COPG2: variants seen among roughly 807,000 people sequenced by gnomAD.
The protein encoded by COPG2 is coat protein complex I subunit gamma 2, also known as coatomer subunit gamma-2.
COPG2 carries 37 observed loss-of-function variants against 46.3 expected under a neutral mutation model. The ratio of observed to expected loss-of-function variants is 0.80; its 90% CI spans 0.61 to 1.05. The LOEUF (loss-of-function observed/expected upper bound fraction) is 1.05, where lower values mean the gene tolerates loss of function less well. Ranked by LOEUF, COPG2 falls within the 50% of genes least tolerant of loss-of-function variation. The probability of loss-of-function intolerance (pLI) is 0.00; values close to 1 mark genes in which losing one functional copy is unlikely to be tolerated. For synonymous variants in COPG2, 159 were observed against 129.7 expected, an observed-to-expected ratio of 1.23 and a Z score of -1.53; for missense variants, 427 against 387.8, an observed-to-expected ratio of 1.10 and a Z score of -0.85.
At chr7:130,609,435 C>T (rs1471591987) in intron 9 of COPG2, among the ~76,000 whole-genome samples, 2 of 152,196 alleles carry the variant, frequency 1.3e-5, no homozygotes, top group Non-Finnish European at 2.9e-5. Flanking sequence ...TGACTTGTTC[C>T]TCCTTGCCTT....
chr7:130,509,985 G>A, intron 20 of COPG2: 1 of 478,838 alleles, frequency 2.1e-6, no homozygotes, highest in African/African-American at 2.0e-5. Flanking sequence ...CCGGGCAGCT[G>A]GAAACAGTAA....
rs1183919423 is a variant in COPG2 at position 130,652,903 on chromosome 7, T to C, written c.289A>G (p.Thr97Ala). Residue 97 changes from threonine to alanine, a missense_variant, in exon 5 of 24, where the codon ACC (threonine) becomes GCC (alanine). Thr to Ala is a moderately conservative substitution (Grantham distance 58). Transcript: ENST00000425248. ...MCYLTIKEMA[T>A]ISEDVIIVTS... ...ACAATTATCACATCCTCAGAGATGG[T>C]AGCCATTTCTTTGATGGTAAGGTAG... 8.1e-6 allele frequency: 13 copies of C among 1,607,654 alleles called. No individual in the cohort carries two copies. The Admixed American group carries it at 1.0e-4, about 12-fold the overall frequency.
In COPG2 at chr7:130,533,002, G is replaced by T. The variant is rs1375040000; in HGVS notation, c.2149+14672C>A. Among the ~76,000 whole-genome samples the T allele has an allele frequency of 4.6e-5, 7 of 152,206 alleles. No homozygotes were observed. In the South Asian group the frequency reaches 1.2e-3, roughly 27 times the overall value. ...GAAAGCAGGAGAAATGACCAACCTA[G>T]GCCCAGGAGCTGGGAGCTTGGAGAG... is the stretch of plus-strand genomic sequence containing the variant. On this transcript the variant is annotated intron_variant, in intron 20 of 23. Transcript: ENST00000425248.
At chr7:130,648,618 A>G (rs1228947688) in intron 5 of COPG2, among the ~76,000 whole-genome samples, 4 of 152,222 alleles carry the variant, frequency 2.6e-5, no homozygotes, top group Non-Finnish European at 5.9e-5. Context: ...CGTAGGATAT[A>G]GTTACAGATA....
chr7:130,548,685 G>A, intron 18 of COPG2, 143 bp from the exon 19 acceptor site: 2 of 378,578 alleles, frequency 5.3e-6, no homozygotes, highest in East Asian at 3.8e-5. Flanking sequence ...GGCGGATCAC[G>A]AGGTCAGGAG....
At chr7:130,652,330 T>A (rs1795764168) in intron 5 of COPG2, among the ~76,000 whole-genome samples, 1 of 152,242 alleles carries the variant, frequency 6.6e-6, no homozygotes, top group African/African-American at 2.4e-5. Context: ...TTACTCTGTC[T>A]CCTTTGTACA....
At chr7:130,544,428 C>A (rs1409208187) in intron 20 of COPG2, among the ~76,000 whole-genome samples, 1 of 152,072 alleles carries the variant, frequency 6.6e-6, no homozygotes, top group African/African-American at 2.4e-5. Flanking sequence ...AGAAAATAAA[C>A]TCACATACAT....
At chr7:130,572,376 A>T (rs969024894) in intron 9 of COPG2, among the ~76,000 whole-genome samples, 2 of 152,194 alleles carry the variant, frequency 1.3e-5, no homozygotes, top group Non-Finnish European at 2.9e-5. Flanking sequence ...AAGCTAACTG[A>T]TTATAGAAAA....
At chr7:130,564,784 A>G (rs1194561561) in intron 9 of COPG2, among the ~76,000 whole-genome samples, 1 of 152,188 alleles carries the variant, frequency 6.6e-6, no homozygotes, top group Admixed American at 6.5e-5. Context: ...TAGCTACAAA[A>G]GCAGCTCTGG....
intron 9 of COPG2, among the ~76,000 whole-genome samples, chr7:130,605,531 G>T (rs1794711434): frequency 6.6e-6 from 1 of 152,180 alleles, no homozygotes; most frequent in African/African-American, 2.4e-5. Flanking sequence ...ACACACTATT[G>T]CTGGCTCTGA....
intron 20 of COPG2, among the ~76,000 whole-genome samples, chr7:130,518,647 T>C (rs893707161): frequency 6.6e-6 from 1 of 152,302 alleles, no homozygotes; most frequent in South Asian, 2.1e-4. Flanking sequence ...TACTAAGATT[T>C]GCTCAGAACA....
Position 130,549,394 on chromosome 7 carries a change from A to G in COPG2, c.1775-18T>C, listed in dbSNP as rs2116384075. The G allele has an allele frequency of 2.5e-6, 1 of 398,608 alleles. No homozygotes were observed. The allele number at this position is 398,608 out of a possible 1,614,324, so 24.7% of individuals were successfully genotyped here. A position where few individuals can be genotyped will look rare whatever the true frequency, so the allele number is the denominator to read the frequency against. On this transcript the variant is annotated intron_variant, in intron 17 of 23. Coordinates refer to ENST00000425248, the MANE Select transcript of COPG2 (RefSeq NM_012133.6). ...TGTGATTTCTATAAAGACAGATATG[A>G]GCAAGTAAGTGAACTTCTCCCACTA...
intron 4 of COPG2, among the ~76,000 whole-genome samples, chr7:130,659,114 G>C (rs930237126): frequency 3.4e-4 from 52 of 152,132 alleles, no homozygotes; most frequent in African/African-American, 1.2e-3. Flanking sequence ...CCAGCACTTT[G>C]GGAGGCTGAG....
intron 5 of COPG2, among the ~76,000 whole-genome samples, chr7:130,631,048 A>G (rs1053502722): frequency 6.6e-6 from 1 of 152,024 alleles, no homozygotes; most frequent in Non-Finnish European, 1.5e-5. Context: ...TTTCCCTTTT[A>G]ATTGAAGTGT....
chr7:130,541,616 T>C (rs896457772), intron 20 of COPG2, among the ~76,000 whole-genome samples: 11 of 151,860 alleles, frequency 7.2e-5, no homozygotes, highest in Non-Finnish European at 5.9e-5. Flanking sequence ...GAGGCAGATG[T>C]TCCCCAGAGT....
chr7:130,514,909 TAAG>T (rs1163355256), intron 20 of COPG2, among the ~76,000 whole-genome samples: 4 of 152,142 alleles, frequency 2.6e-5, no homozygotes, highest in Non-Finnish European at 5.9e-5. Flanking sequence ...TCAGTGGGTG[TAAG>T]GCCAGATTGC....
chr7:130,664,285 A>G (rs1208731074), intron 3 of COPG2, among the ~76,000 whole-genome samples: 6 of 152,240 alleles, frequency 3.9e-5, no homozygotes, highest in Non-Finnish European at 8.8e-5. Flanking sequence ...TGCCATAGGT[A>G]TAAGAATAAA....
intron 9 of COPG2, among the ~76,000 whole-genome samples, chr7:130,599,264 G>A (rs1176343748): frequency 6.6e-6 from 1 of 152,196 alleles, no homozygotes; most frequent in African/African-American, 2.4e-5. Context: ...ATGACTAGAG[G>A]CTATGGGCTG....
intron 12 of COPG2, among the ~76,000 whole-genome samples, chr7:130,557,572 C>T (rs986007095): frequency 1.2e-4 from 18 of 151,426 alleles, no homozygotes; most frequent in South Asian, 2.1e-4. Flanking sequence ...TTTGGGAGGT[C>T]GAGGCGGGTG....
Sources: allele counts gnomAD v4.1 joint callset (sites outside exome capture counted in the v4.1 genomes callset), GRCh38; gene constraint gnomAD v4.1.1; transcripts MANE v1.5; gene names NCBI Gene and HGNC (gene_info 2026-07-23, HGNC 2026-07-21).